The following DPP6 variants were observed in gnomAD, a reference collection of about 807,000 sequenced individuals.
The protein encoded by DPP6 is dipeptidyl peptidase like 6.
A neutral mutation model predicts 122.6 loss-of-function variants in DPP6; 69 were observed. That is an observed-to-expected ratio of 0.56 (90% confidence interval 0.46 to 0.69). The LOEUF (loss-of-function observed/expected upper bound fraction) is 0.69. Among genes scored for constraint, DPP6 ranks in the 30% least tolerant of loss-of-function variants. The probability of loss-of-function intolerance (pLI) is 0.00; values close to 1 mark genes in which losing one functional copy is unlikely to be tolerated. For missense variants in DPP6, 928 were observed against 1,116.9 expected, an observed-to-expected ratio of 0.83 and a Z score of 2.41; for synonymous variants, 418 against 433.1, an observed-to-expected ratio of 0.97 and a Z score of 0.43.
chr7:154,594,133 G>T (rs1318338385), intron 5 of DPP6, among the ~76,000 whole-genome samples: 1 of 152,132 alleles, frequency 6.6e-6, no homozygotes, highest in Non-Finnish European at 1.5e-5. Context: ...TCATTCTTAT[G>T]GGTCCTCTGG....
intron 1 of DPP6, among the ~76,000 whole-genome samples, chr7:153,951,673 C>G (rs1005458400): frequency 2.0e-5 from 3 of 152,138 alleles, no homozygotes; most frequent in Non-Finnish European, 4.4e-5. Flanking sequence ...TGGATACTAT[C>G]CTAAACCTTC....
intron 5 of DPP6, among the ~76,000 whole-genome samples, chr7:154,614,237 T>G (rs867051716): frequency 1.4e-4 from 22 of 152,246 alleles, no homozygotes; most frequent in African/African-American, 5.3e-4. Context: ...TTGCGTTAGC[T>G]TCTTTTAACT....
At chr7:154,182,410 C>G (rs73483588) in intron 1 of DPP6, among the ~76,000 whole-genome samples, 74 of 152,254 alleles carry the variant, frequency 4.9e-4, no homozygotes, top group African/African-American at 1.8e-3. Flanking sequence ...GGTTGCCATG[C>G]CAGAGGAAAG....
At chr7:154,623,661 A>ACGCG (rs1563025992) in intron 5 of DPP6, among the ~76,000 whole-genome samples, 4 of 72,578 alleles carry the variant, frequency 5.5e-5, no homozygotes, top group African/African-American at 1.3e-4. Flanking sequence ...ACGCGCACAC[A>ACGCG]CACGCACACA....
intron 1 of DPP6, among the ~76,000 whole-genome samples, chr7:154,271,487 A>G (rs1480116359): frequency 2.6e-5 from 4 of 152,216 alleles, no homozygotes; most frequent in Non-Finnish European, 4.4e-5. Context: ...GGTAATGAGG[A>G]CTGAAGAGAA....
At chr7:154,339,599 A>G (rs1257729893) in intron 1 of DPP6, among the ~76,000 whole-genome samples, 1 of 151,842 alleles carries the variant, frequency 6.6e-6, no homozygotes, top group African/African-American at 2.4e-5. Flanking sequence ...ATCATCTAAT[A>G]TTCAGTCCCC....
chr7:154,390,814 C>T (rs920280439), intron 1 of DPP6, among the ~76,000 whole-genome samples: 2 of 152,150 alleles, frequency 1.3e-5, no homozygotes, highest in Non-Finnish European at 2.9e-5. Context: ...AGGTTCCACA[C>T]GGTCCTCTTC....
chr7:153,909,184 G>C (rs1021488611), intron 1 of DPP6, among the ~76,000 whole-genome samples: 4 of 152,112 alleles, frequency 2.6e-5, no homozygotes, highest in African/African-American at 9.7e-5. Context: ...GGATGATCTT[G>C]GGTCTTGAAT....
At chr7:154,139,188 G>A (rs1795724723) in intron 1 of DPP6, among the ~76,000 whole-genome samples, 1 of 150,646 alleles carries the variant, frequency 6.6e-6, no homozygotes, top group Admixed American at 6.6e-5. Context: ...GTCGCATGCA[G>A]GCCATCTGCA....
chr7:153,749,360 G>A, the DPP6 span, among the ~76,000 whole-genome samples: 2 of 152,110 alleles, frequency 1.3e-5, no homozygotes, highest in Non-Finnish European at 2.9e-5. The surrounding 1 kb of genome is among the most constrained non-coding windows in gnomAD (Gnocchi z 4.1). Context: ...GGCGTTGGGA[G>A]GCAGAGCCCC....
intron 3 of DPP6, among the ~76,000 whole-genome samples, chr7:154,491,349 GTTC>G: frequency 6.6e-6 from 1 of 152,262 alleles, no homozygotes; most frequent in Non-Finnish European, 1.5e-5. Flanking sequence ...GCTCCCCCAG[GTTC>G]TTCATTAAGC....
chr7:154,637,943 G>C (rs1835833624), intron 6 of DPP6, 70 bp downstream of exon 6: 1 of 1,505,572 alleles, frequency 6.6e-7, no homozygotes, highest in Admixed American at 2.1e-5. Context: ...ACATGGACGA[G>C]CTGTTTAACC....
rs1352003967 is a variant in DPP6 at position 154,807,079 on chromosome 7, C to T, written c.1633C>T (p.His545Tyr). Residue 545 changes from histidine (H) to tyrosine (Y), a missense_variant, in exon 16 of 26, where the codon CAT becomes TAT. Physicochemically the swap from His to Tyr is moderately conservative, Grantham distance 83 (BLOSUM62 2). Coordinates refer to ENST00000377770, the MANE Select transcript of DPP6 (RefSeq NM_130797.4). ...CACCTACTTCAGCGCTTCCTTCAGC[C>T]ATAGCATGGACTTCTTCCTGCTCAA... ...NCTYFSASFS[H>Y]SMDFFLLKCE... is the part of the protein sequence containing the mutation. The T allele has an allele frequency of 9.9e-6, 16 of 1,613,770 alleles. No homozygotes were observed. The highest frequency in any genetic ancestry group is 5.5e-5 in the South Asian group (5 of 91,086).
intron 1 of DPP6, among the ~76,000 whole-genome samples, chr7:154,178,750 C>G (rs1474785426): frequency 6.6e-6 from 1 of 152,168 alleles, no homozygotes; most frequent in Non-Finnish European, 1.5e-5. Flanking sequence ...TCTGCAACAG[C>G]CTTTTGCAGT....
chr7:154,735,051 G>A (rs531309326), intron 8 of DPP6, among the ~76,000 whole-genome samples: 1 of 152,202 alleles, frequency 6.6e-6, no homozygotes, highest in Non-Finnish European at 1.5e-5. Context: ...GCATTAATGT[G>A]TAATTAATGA....
chr7:153,816,964 A>G, the DPP6 span, among the ~76,000 whole-genome samples: 1 of 151,982 alleles, frequency 6.6e-6, no homozygotes, highest in Non-Finnish European at 1.5e-5. Context: ...CTAGTCAACA[A>G]GCGATGCTAA....
chr7:153,961,285 A>G (rs934847865), intron 1 of DPP6, among the ~76,000 whole-genome samples: 1 of 151,406 alleles, frequency 6.6e-6, no homozygotes, highest in Non-Finnish European at 1.5e-5. Flanking sequence ...GCCTCATGCC[A>G]GCTGCCTAAG....
the DPP6 span, among the ~76,000 whole-genome samples, chr7:153,806,768 C>T: frequency 6.6e-6 from 1 of 151,866 alleles, no homozygotes; most frequent in Non-Finnish European, 1.5e-5. Flanking sequence ...TTAGGAATGC[C>T]CATTTCTCTT....
chr7:154,855,057 C>A (rs1802716786), intron 17 of DPP6, among the ~76,000 whole-genome samples: 1 of 152,058 alleles, frequency 6.6e-6, no homozygotes, highest in South Asian at 2.1e-4. Flanking sequence ...ATTCCTATCT[C>A]TGTGGTGGTA....
Sources: allele counts gnomAD v4.1 joint callset (sites outside exome capture counted in the v4.1 genomes callset), GRCh38; gene constraint gnomAD v4.1.1; non-coding constraint Gnocchi (gnomAD v3.1); transcripts MANE v1.5; gene names NCBI Gene and HGNC (gene_info 2026-07-23, HGNC 2026-07-21).